The following HAS3 variants were observed in gnomAD, a reference collection of about 807,000 sequenced individuals.
The protein encoded by HAS3 is HA synthase 3.
In HAS3, 27 loss-of-function variants were observed where a neutral mutation model predicts 50.3. The ratio of observed to expected loss-of-function variants is 0.54; its 90% CI spans 0.40 to 0.74. The LOEUF is 0.74. Ranked by LOEUF, HAS3 falls within the 30% of genes least tolerant of loss-of-function variation. The pLI is 0.00. For missense variants in HAS3, 517 were observed against 742.8 expected (o/e 0.70, Z 3.53); for synonymous variants, 339 against 310.9 (o/e 1.09, Z -0.95).
Position 69,110,088 on chromosome 16 carries a change from A to T in HAS3, c.636+57A>T, listed in dbSNP as rs572521365. ...TGGGGATAAGTCTGGACAGCCTGGCAAACTCTCCGCCAAGAATCTGAGGTC... is the reference window on the plus strand; with the variant it reads ...TGGGGATAAGTCTGGACAGCCTGGCTAACTCTCCGCCAAGAATCTGAGGTC... On this transcript the variant is annotated intron_variant, in intron 2 of 3. Transcript: ENST00000569188. The T allele has an allele frequency of 1.6e-4, 239 of 1,500,240 alleles. 1 individual carries two copies. The African/African-American group carries it at 3.0e-3, about 19-fold the overall frequency. The allele number at this position is 1,500,240 out of a possible 1,614,324, so 92.9% of individuals were successfully genotyped here.
intron 2 of HAS3, among the ~76,000 whole-genome samples, chr16:69,113,159 G>A (rs559216258): frequency 5.9e-5 from 9 of 152,276 alleles, no homozygotes; most frequent in South Asian, 2.1e-4. Flanking sequence ...AATTTTTTGC[G>A]TCCAGTGCTA....
At chr16:69,118,454 G>A, downstream of HAS3, 3 of 1,598,564 alleles carry the variant, frequency 1.9e-6, no homozygotes, top group East Asian at 2.2e-5. Flanking sequence ...CGTTTCTAGA[G>A]AGCAGTGAGC....
Position 69,114,482 on chromosome 16 carries a change from G to A in HAS3, c.878G>A (p.Ser293Asn), listed in dbSNP as rs1342559216. 6.2e-7 allele frequency: 1 copy of A among 1,613,928 alleles called. No homozygotes were observed. Among genetic ancestry groups the A allele is most frequent in the Non-Finnish European group, 8.5e-7 (1 of 1,179,872 alleles). The change falls in exon 4 of 4, where the codon AGC (serine) becomes AAC (asparagine). Residue 293 changes from serine (S) to asparagine (N), a missense_variant. Ser to Asn is a conservative substitution (Grantham distance 46). Coordinates refer to ENST00000569188, the MANE Select transcript of HAS3 (RefSeq NM_001199280.2). This position sits in a 1 kb window ranked among gnomAD's most constrained non-coding sequence, Gnocchi z 6.4. Reference protein sequence around the residue: ...ISGPLGMYRNSLLQQFLEDWY... With the variant: ...ISGPLGMYRNNLLQQFLEDWY... ...GGGCCCTTGGGCATGTACCGCAACA[G>A]CCTCCTCCAGCAGTTCCTGGAGGAC...
rs1275617622 is a variant in HAS3, at chr16:69,115,104, T to C, written c.1500T>C (p.Tyr500=). 1.2e-6 allele frequency: 2 copies of C among 1,612,598 alleles called. No individual in the cohort carries two copies. Among genetic ancestry groups the C allele is most frequent in the Admixed American group, 1.7e-5 (1 of 59,912 alleles). The change falls in exon 4 of 4, where the codon TAT becomes TAC. Residue 500 remains tyrosine, a synonymous_variant. Transcript: ENST00000569188. ...TGGGAGGGCTGGCCTACACAGCTTA[T>C]TGCCAGGACCTGTTCAGTGAGACAG... ...VLLGGLAYTA[Y]CQDLFSETEL...
rs762444635 is a variant in HAS3, at chr16:69,109,905, C to T, written c.510C>T (p.Gly170=). The T allele has an allele frequency of 1.2e-6, 2 of 1,614,052 alleles. No individual in the cohort carries two copies. The highest frequency in any genetic ancestry group is 1.7e-5 in the Admixed American group (1 of 60,022). The change falls in exon 2 of 4, where the codon GGC becomes GGT. Residue 170 remains glycine, a synonymous_variant. Coordinates refer to ENST00000569188, the MANE Select transcript of HAS3 (RefSeq NM_001199280.2). This position sits in a 1 kb window ranked among gnomAD's most constrained non-coding sequence, Gnocchi z 5.3. Reference sequence around the variant, plus strand: ...AGACGGAGGCCAGCCTGCAGGAGGGCATGGACCGTGTGCGGGATGTGGTGC... The same window carrying T: ...AGACGGAGGCCAGCCTGCAGGAGGGTATGGACCGTGTGCGGGATGTGGTGC... ...EGETEASLQE[G]MDRVRDVVRA...
At chr16:69,100,858 G>A (rs952289953), upstream of HAS3, among the ~76,000 whole-genome samples, 3 of 152,108 alleles carry the variant, frequency 2.0e-5, no homozygotes, top group Admixed American at 6.6e-5. Context: ...CTGCACCGTC[G>A]AGTACTTTTC....
chr16:69,090,660 C>T, the HAS3 span, among the ~76,000 whole-genome samples: 3 of 152,152 alleles, frequency 2.0e-5, no homozygotes, highest in Non-Finnish European at 4.4e-5. Flanking sequence ...CTCTACCTCC[C>T]GGGTTCAAGC....
At chr16:69,098,138 C>T in the HAS3 span, among the ~76,000 whole-genome samples, 1 of 152,152 alleles carries the variant, frequency 6.6e-6, no homozygotes, top group South Asian at 2.1e-4. Context: ...AATCCCAGCA[C>T]TTTGGGAGGC....
the HAS3 span, among the ~76,000 whole-genome samples, chr16:69,087,867 TA>T: frequency 6.6e-6 from 1 of 151,594 alleles, no homozygotes; most frequent in Non-Finnish European, 1.5e-5. Flanking sequence ...CACGCCCAAC[TA>T]TTTTTTTGTA....
chr16:69,115,736 C>T lies in HAS3; in HGVS notation c.*470C>T, dbSNP rs1961159288. On this transcript the variant is annotated 3_prime_UTR_variant, in exon 4 of 4. Transcript: ENST00000569188. ...TTAGTGTATGTCACCCCCACCCCACCCCTAAGTAGTCATCAATGCAATAAG... is the reference window on the plus strand; with the variant it reads ...TTAGTGTATGTCACCCCCACCCCACTCCTAAGTAGTCATCAATGCAATAAG... 2.0e-6 allele frequency: 2 copies of T among 987,384 alleles called. No individual in the cohort carries two copies. The highest frequency in any genetic ancestry group is 1.2e-4 in the Admixed American group (2 of 16,318). The allele number at this position is 987,384 out of a possible 1,614,324, so 61.2% of individuals were successfully genotyped here.
chr16:69,115,164 T>C lies in HAS3; in HGVS notation c.1560T>C (p.Tyr520=). Residue 520 remains tyrosine, a synonymous_variant, in exon 4 of 4, where the codon TAT becomes TAC. Coordinates refer to ENST00000569188, the MANE Select transcript of HAS3 (RefSeq NM_001199280.2). ...LAFLVSGAIL[Y]GCYWVALLML... is the part of the protein sequence containing the mutation. ...TCCTTGTCTCTGGGGCTATACTGTA[T>C]GGCTGCTACTGGGTGGCCCTCCTCA... 1 of 1,598,486 alleles carries C rather than the reference T, an allele frequency of 6.3e-7. No individual in the cohort carries two copies. Among genetic ancestry groups the C allele is most frequent in the Non-Finnish European group, 8.5e-7 (1 of 1,171,576 alleles).
At chr16:69,111,470 C>G (rs1304505573) in intron 2 of HAS3, among the ~76,000 whole-genome samples, 4 of 152,216 alleles carry the variant, frequency 2.6e-5, no homozygotes, top group East Asian at 1.9e-4. Context: ...ATCACTTGAT[C>G]AGTGCTTGAA....
In HAS3 at chr16:69,105,679, C is replaced by T. The variant is rs1960770656; in HGVS notation, c.-109C>T. ...ATTCTCTTCAGCGCCTCTTTCCTGC[C>T]AGCAGGAAGGTTTTGCTGCCTTGGC... is the stretch of plus-strand genomic sequence containing the variant. On this transcript the variant is annotated 5_prime_UTR_variant, in exon 1 of 4. Coordinates refer to ENST00000569188, the MANE Select transcript of HAS3 (RefSeq NM_001199280.2). 1 of 152,250 alleles carries T rather than the reference C, an allele frequency of 6.6e-6. No individual in the cohort carries two copies. Among genetic ancestry groups the T allele is most frequent in the Middle Eastern group, 3.2e-3 (1 of 316 alleles). The allele number at this position is 152,250 out of a possible 1,614,324, so 9.4% of individuals were successfully genotyped here.
Position 69,116,037 on chromosome 16 carries a change from G to A in HAS3, c.*771G>A. 1.0e-6 allele frequency: 1 copy of A among 985,670 alleles called. No individual in the cohort carries two copies. The highest frequency in any genetic ancestry group is 1.2e-6 in the Non-Finnish European group (1 of 829,842). 61.1% of individuals were successfully genotyped at this position (985,670 alleles called of 1,614,324 possible). On this transcript the variant is annotated 3_prime_UTR_variant, in exon 4 of 4. Transcript: ENST00000569188. Reference sequence around the variant, plus strand: ...TGGAAACTGCTCAGACGTCTAGATGGGTTCTTAGCTTGTCTGTGATCTCTG... The same window carrying A: ...TGGAAACTGCTCAGACGTCTAGATGAGTTCTTAGCTTGTCTGTGATCTCTG...
Position 69,109,424 on chromosome 16 carries a change from G to C in HAS3, c.29G>C (p.Arg10Pro), listed in dbSNP as rs138765674. The change falls in exon 2 of 4, where the codon CGT (arginine) becomes CCT (proline). Residue 10 changes from arginine to proline, a missense_variant. Transcript: ENST00000569188. This position sits in a 1 kb window ranked among gnomAD's most constrained non-coding sequence, Gnocchi z 5.3. MPVQLTTAL[R>P]VVGTSLFALA... is the part of the protein sequence containing the mutation. ...CCGGTGCAGCTGACGACAGCCCTGCGTGTGGTGGGCACCAGCCTGTTTGCC... is the reference window on the plus strand; with the variant it reads ...CCGGTGCAGCTGACGACAGCCCTGCCTGTGGTGGGCACCAGCCTGTTTGCC... 6.2e-7 allele frequency: 1 copy of C among 1,610,822 alleles called. No individual in the cohort carries two copies. The highest frequency in any genetic ancestry group is 8.5e-7 in the Non-Finnish European group (1 of 1,179,388).
rs1321573102 is a variant in HAS3, at chr16:69,114,791, C to T, written c.1187C>T (p.Thr396Met). Residue 396 changes from threonine to methionine, a missense_variant, in exon 4 of 4, where the codon ACG (threonine) becomes ATG (methionine). Physicochemically the swap from Thr to Met is moderately conservative, Grantham distance 81 (BLOSUM62 -1). Coordinates refer to ENST00000569188, the MANE Select transcript of HAS3 (RefSeq NM_001199280.2). This position sits in a 1 kb window ranked among gnomAD's most constrained non-coding sequence, Gnocchi z 6.4. ...TTCTTCCCCTTCTTCCTCATTGCCACGGTTATACAGCTTTTCTACCGGGGC... is the reference window on the plus strand; with the variant it reads ...TTCTTCCCCTTCTTCCTCATTGCCATGGTTATACAGCTTTTCTACCGGGGC... ...TGFFPFFLIA[T>M]VIQLFYRGRI... 1.9e-6 allele frequency: 3 copies of T among 1,614,132 alleles called. No homozygotes were observed. The highest frequency in any genetic ancestry group is 1.7e-5 in the Admixed American group (1 of 60,028).
chr16:69,093,292 A>G, the HAS3 span, among the ~76,000 whole-genome samples: 1 of 151,922 alleles, frequency 6.6e-6, no homozygotes, highest in Non-Finnish European at 1.5e-5. Flanking sequence ...CTCACCTGCA[A>G]TCTCCACCTC....
the HAS3 span, among the ~76,000 whole-genome samples, chr16:69,088,929 GA>G: frequency 6.6e-6 from 1 of 151,954 alleles, no homozygotes; most frequent in Non-Finnish European, 1.5e-5. Flanking sequence ...CCCCAAAATG[GA>G]AAAAATAAAA....
chr16:69,107,608 C>G lies in HAS3; in HGVS notation c.1-1788C>G, dbSNP rs987897057. 4.1e-6 allele frequency: 4 copies of G among 985,486 alleles called. 1 individual carries two copies. The highest frequency in any genetic ancestry group is 2.4e-6 in the Non-Finnish European group (2 of 829,944). The allele number at this position is 985,486 out of a possible 1,614,324, so 61.0% of individuals were successfully genotyped here. ...GCACTGCACCGAGGCGGGGCGCCAG[C>G]GCCCAGGTTGCTGGGCTGGCCTTGG... On this transcript the variant is annotated intron_variant, in intron 1 of 3. Transcript: ENST00000569188. The surrounding 1 kb of genome is among the most constrained non-coding windows in gnomAD (Gnocchi z 5.5).
Sources: gnomAD v4.1 joint callset for allele counts (sites outside exome capture counted in the v4.1 genomes callset) on GRCh38, gnomAD v4.1.1 for gene constraint, Gnocchi (gnomAD v3.1) non-coding constraint, MANE v1.5 for transcripts, NCBI Gene and HGNC (gene_info 2026-07-23, HGNC 2026-07-21) for gene names.